The following PCBD2 variants were observed in gnomAD, a reference collection of about 807,000 sequenced individuals.
PCBD2 encodes the protein pterin-4 alpha-carbinolamine dehydratase 2, also known as pterin-4-alpha-carbinolamine dehydratase 2.
In PCBD2, 12 loss-of-function variants were observed where a neutral mutation model predicts 16.4. The ratio of observed to expected loss-of-function variants is 0.73; its 90% CI spans 0.47 to 1.19. PCBD2 has a LOEUF of 1.19. Ranked by LOEUF, PCBD2 falls within the 50% of genes most tolerant of loss-of-function variation. The pLI, the probability that PCBD2 is intolerant of heterozygous loss-of-function variation, is 0.00. For synonymous variants in PCBD2, 58 were observed against 61.8 expected, an observed-to-expected ratio of 0.94 and a Z score of 0.29; for missense variants, 138 against 156.8, an observed-to-expected ratio of 0.88 and a Z score of 0.64.
At chr5:134,926,885 G>A (rs1404577123) in intron 2 of PCBD2, 2 of 398,510 alleles carry the variant, frequency 5.0e-6, no homozygotes, top group African/African-American at 4.1e-5. Flanking sequence ...AGGAGAATGT[G>A]GTTACTAGCA....
Position 134,961,830 on chromosome 5 carries a change from C to T in PCBD2, c.*1149C>T, listed in dbSNP as rs190837064. Among the ~76,000 whole-genome samples the T allele has an allele frequency of 1.3e-5, 2 of 151,542 alleles. No homozygotes were observed. Among genetic ancestry groups the T allele is most frequent in the East Asian group, 2.0e-4 (1 of 5,102 alleles). ...AGGCTGGAGTGCAGTGGCAGGATCA[C>T]GGTTTATTGCAGCCTTAACCTCCTG... On this transcript the variant is annotated 3_prime_UTR_variant, in exon 4 of 4. Transcript: ENST00000254908.
chr5:134,947,389 ATTTTTTTTT>A (rs1220114582), intron 2 of PCBD2, among the ~76,000 whole-genome samples: 1 of 103,066 alleles, frequency 9.7e-6, no homozygotes, highest in Admixed American at 1.2e-4. Flanking sequence ...CCCGGCCTCA[ATTTTTTTTT>A]TTTTTTTTTT....
Position 134,961,746 on chromosome 5 carries a change from T to G in PCBD2, c.*1065T>G, listed in dbSNP as rs1751479663. On this transcript the variant is annotated 3_prime_UTR_variant, in exon 4 of 4. Coordinates refer to ENST00000254908, the MANE Select transcript of PCBD2 (RefSeq NM_032151.5). ...CTCGACAGATAGTGAGTTTTAACTT[T>G]AAATAACAATTCTTCTTTTGTTTTG... 6.6e-6 allele frequency among the ~76,000 whole-genome samples: 1 copy of G among 152,018 alleles called. No homozygotes were observed. Among genetic ancestry groups the G allele is most frequent in the Non-Finnish European group, 1.5e-5 (1 of 68,002 alleles).
At chr5:134,941,223 C>G (rs1317178385) in intron 2 of PCBD2, among the ~76,000 whole-genome samples, 2 of 151,244 alleles carry the variant, frequency 1.3e-5, no homozygotes, top group Non-Finnish European at 2.9e-5. Flanking sequence ...ATGATGATAT[C>G]CTTGCCATTT....
intron 2 of PCBD2, chr5:134,924,002 G>A (rs1040654921): frequency 5.1e-6 from 2 of 394,780 alleles, no homozygotes; most frequent in African/African-American, 4.1e-5. Context: ...CGATAAATGA[G>A]CGGTTAATTA....
chr5:134,944,983 A>T (rs1425872091), intron 2 of PCBD2, among the ~76,000 whole-genome samples: 1 of 152,250 alleles, frequency 6.6e-6, no homozygotes, highest in African/African-American at 2.4e-5. Flanking sequence ...CCTATGTAAG[A>T]TCAACAAATT....
At chr5:134,923,825 A>G (rs1191978310) in intron 2 of PCBD2, 2 of 394,020 alleles carry the variant, frequency 5.1e-6, no homozygotes, top group Non-Finnish European at 9.0e-6. Context: ...TGATTCAGCC[A>G]TAATTTACGT....
At chr5:134,949,861 CT>C (rs1751339572) in intron 2 of PCBD2, among the ~76,000 whole-genome samples, 1 of 152,194 alleles carries the variant, frequency 6.6e-6, no homozygotes, top group African/African-American at 2.4e-5. Flanking sequence ...ATGATCTTGC[CT>C]TGCATTTTGC....
chr5:134,928,527 G>A, intron 2 of PCBD2: 1 of 284,206 alleles, frequency 3.5e-6, no homozygotes, highest in Non-Finnish European at 6.5e-6. Flanking sequence ...GGTAAAAGGA[G>A]TGAAGGGTAT....
At chr5:134,945,874 G>A (rs923073121) in intron 2 of PCBD2, among the ~76,000 whole-genome samples, 8 of 152,096 alleles carry the variant, frequency 5.3e-5, no homozygotes, top group African/African-American at 1.7e-4. Flanking sequence ...AGTAGTAGAG[G>A]CAAGAGAGGT....
At chr5:134,960,123 G>A (rs1580896756) in intron 3 of PCBD2, among the ~76,000 whole-genome samples, 3 of 151,878 alleles carry the variant, frequency 2.0e-5, no homozygotes, top group East Asian at 1.9e-4. Flanking sequence ...CAGGTGATCC[G>A]GCCTCCCAAA....
chr5:134,951,900 G>T (rs971071968), intron 2 of PCBD2, among the ~76,000 whole-genome samples: 1 of 151,888 alleles, frequency 6.6e-6, no homozygotes, highest in African/African-American at 2.4e-5. Context: ...TTTATCTTTT[G>T]CTTTTGTTTG....
intron 2 of PCBD2, 111 bp from the exon 3 acceptor site, chr5:134,958,929 C>T: frequency 1.3e-6 from 1 of 755,474 alleles, no homozygotes; most frequent in Admixed American, 2.5e-5. Context: ...TTTCCACAGG[C>T]TTCCCTAAGG....
At chr5:134,925,426 G>T in intron 2 of PCBD2, 1 of 398,432 alleles carries the variant, frequency 2.5e-6, no homozygotes. Flanking sequence ...GTGGATGATG[G>T]ATCCGGAGCA....
At chr5:134,955,194 A>G (rs568182082) in intron 2 of PCBD2, among the ~76,000 whole-genome samples, 104 of 151,566 alleles carry the variant, frequency 6.9e-4, no homozygotes, top group Non-Finnish European at 1.1e-3. Flanking sequence ...TTTTTGGAAA[A>G]CTTATTTTTT....
At chr5:134,907,347 G>A (rs1750707770) in intron 1 of PCBD2, among the ~76,000 whole-genome samples, 1 of 152,140 alleles carries the variant, frequency 6.6e-6, no homozygotes, top group Non-Finnish European at 1.5e-5. Context: ...GGGTTCAAGC[G>A]ATTCTCCTGC....
chr5:134,954,222 A>G (rs780177461), intron 2 of PCBD2, among the ~76,000 whole-genome samples: 7 of 152,166 alleles, frequency 4.6e-5, no homozygotes, highest in South Asian at 4.1e-4. Context: ...TGGATTCCCA[A>G]AGCGCTGGGA....
At position 134,939,598 on chromosome 5, in the gene PCBD2, A is replaced by G. The variant is rs750175152; in HGVS notation, c.217-19442A>G. The stretch of plus-strand genomic sequence containing the variant: ...CCTCCATTCTTAAAACTTTAAATGC[A>G]TCTAAGGAAGGGACAGCCTTCTGCC... On this transcript the variant is annotated intron_variant, in intron 2 of 3. Transcript: ENST00000254908. Among the ~76,000 whole-genome samples, 30 of 152,114 alleles carry G rather than the reference A, an allele frequency of 2.0e-4. 1 individual carries two copies. The highest frequency in any genetic ancestry group is 4.6e-4 in the Admixed American group (7 of 15,288).
chr5:134,918,216 C>A (rs552792312), intron 2 of PCBD2, among the ~76,000 whole-genome samples: 2 of 152,242 alleles, frequency 1.3e-5, no homozygotes, highest in Admixed American at 1.3e-4. Context: ...TAGAAAATGT[C>A]ATTTTGTGCT....
Sources: allele counts gnomAD v4.1 joint callset (sites outside exome capture counted in the v4.1 genomes callset), GRCh38; gene constraint gnomAD v4.1.1; transcripts MANE v1.5; gene names NCBI Gene and HGNC (gene_info 2026-07-23, HGNC 2026-07-21).